Variants in DCDC2 observed in about 807,000 individuals in gnomAD.
DCDC2 encodes the protein doublecortin domain containing 2.
In DCDC2, 40 loss-of-function variants were observed where a neutral mutation model predicts 50.2. The observed-to-expected ratio is 0.80, with a 90% CI of 0.62 to 1.04. DCDC2 has a LOEUF of 1.04. Ranked by LOEUF, DCDC2 falls within the 50% of genes least tolerant of loss-of-function variation. DCDC2 has a pLI of 0.00. For synonymous variants in DCDC2, 234 were observed against 210.6 expected (o/e 1.11, Z -0.96); for missense variants, 570 against 581.9 (o/e 0.98, Z 0.21).
In DCDC2 at chr6:24,356,074, C is replaced by A. The variant is rs183286875; in HGVS notation, c.293+1384G>T. Among the ~76,000 whole-genome samples the A allele has an allele frequency of 2.5e-3, 377 of 151,980 alleles. 3 individuals are homozygous for A. Among genetic ancestry groups the A allele is most frequent in the African/African-American group, 8.7e-3 (362 of 41,440 alleles). Reference sequence around the variant, plus strand: ...CAGCAATTTCACTCTTAGGTATACACCAAAGAGAAATGAAAACTTGTACAC... The same window carrying A: ...CAGCAATTTCACTCTTAGGTATACAACAAAGAGAAATGAAAACTTGTACAC... On this transcript the variant is annotated intron_variant, in intron 1 of 9. Transcript: ENST00000378454.
chr6:24,197,707 A>C (rs1761477937), intron 8 of DCDC2, among the ~76,000 whole-genome samples: 1 of 152,236 alleles, frequency 6.6e-6, no homozygotes, highest in African/African-American at 2.4e-5. Context: ...CAGCAATTTC[A>C]CTGCTGCACT....
At chr6:24,291,148 G>C in intron 4 of DCDC2, 70 bp from the exon 5 acceptor site, 1 of 1,475,470 alleles carries the variant, frequency 6.8e-7, no homozygotes, top group Non-Finnish European at 9.3e-7. Flanking sequence ...AGATTACAAA[G>C]TATTCTGGAT....
chr6:24,382,925 T>A, the DCDC2 span, among the ~76,000 whole-genome samples: 1 of 152,162 alleles, frequency 6.6e-6, no homozygotes, highest in African/African-American at 2.4e-5. Flanking sequence ...TCATGGACAG[T>A]TACTGAGGTC....
At chr6:24,333,630 C>CT (rs1462072610) in intron 2 of DCDC2, among the ~76,000 whole-genome samples, 2 of 152,166 alleles carry the variant, frequency 1.3e-5, no homozygotes, top group African/African-American at 4.8e-5. Flanking sequence ...GATGTAAAGT[C>CT]TTGCAGGCTA....
At chr6:24,189,147 G>A (rs995413134) in intron 8 of DCDC2, among the ~76,000 whole-genome samples, 1 of 152,038 alleles carries the variant, frequency 6.6e-6, no homozygotes, top group African/African-American at 2.4e-5. Flanking sequence ...TGTGTATCTT[G>A]CTATTTATTT....
At chr6:24,231,853 T>C (rs1355488990) in intron 7 of DCDC2, among the ~76,000 whole-genome samples, 1 of 152,142 alleles carries the variant, frequency 6.6e-6, no homozygotes, top group Non-Finnish European at 1.5e-5. Flanking sequence ...CAAATCTAAA[T>C]AATTTTATCT....
chr6:24,220,926 G>GTGAGTGAGCGAGCT, intron 7 of DCDC2, among the ~76,000 whole-genome samples: 1 of 152,214 alleles, frequency 6.6e-6, no homozygotes, highest in Non-Finnish European at 1.5e-5. Context: ...GAGCGAGCGA[G>GTGAGTGAGCGAGCT]AGCACATGCA....
chr6:24,370,730 G>A, the DCDC2 span, among the ~76,000 whole-genome samples: 149,625 of 152,348 alleles, frequency 0.98, 73,516 homozygotes, highest in East Asian at 1. Context: ...AAATAAAAAC[G>A]TAGATTCGCA....
chr6:24,208,561 G>A (rs1224104457), intron 7 of DCDC2, among the ~76,000 whole-genome samples: 1 of 151,960 alleles, frequency 6.6e-6, no homozygotes, highest in Non-Finnish European at 1.5e-5. Context: ...GTAGAGACAA[G>A]CGTTTCTCCA....
At chr6:24,237,798 C>G (rs1359843689) in intron 7 of DCDC2, among the ~76,000 whole-genome samples, 3 of 152,048 alleles carry the variant, frequency 2.0e-5, no homozygotes, top group Non-Finnish European at 4.4e-5. Flanking sequence ...AAGCCATTAT[C>G]CTAAGCAAAC....
In DCDC2 at chr6:24,301,717, G is replaced by A; in HGVS notation, c.555C>T (p.His185=). The part of the protein sequence containing the change: ...EKITLRSGAV[H]RLYTLEGKLV... ...CTTACAAGATTGTTTTGACATACCT[G>A]TGAACAGCCCCGCTCCTCAGAGTGA... is the stretch of plus-strand genomic sequence containing the variant. The change falls in exon 4 of 10, where the codon CAC becomes CAT. Residue 185 remains histidine (H), a splice_region_variant and synonymous_variant. Coordinates refer to ENST00000378454, the MANE Select transcript of DCDC2 (RefSeq NM_016356.5). 1 of 1,613,814 alleles carries A rather than the reference G, an allele frequency of 6.2e-7. No homozygotes were observed. The highest frequency in any genetic ancestry group is 2.2e-5 in the East Asian group (1 of 44,870).
Position 24,172,725 on chromosome 6 carries a change from G to A in DCDC2, c.*2005C>T, listed in dbSNP as rs886520965. 1.3e-5 allele frequency: 2 copies of A among 152,070 alleles called. No individual in the cohort carries two copies. Among genetic ancestry groups the A allele is most frequent in the Admixed American group, 6.5e-5 (1 of 15,270 alleles). The allele number at this position is 152,070 out of a possible 1,614,324, so 9.4% of individuals were successfully genotyped here. A position where few individuals can be genotyped will look rare whatever the true frequency, so the allele number is the denominator to read the frequency against. On this transcript the variant is annotated 3_prime_UTR_variant, in exon 10 of 10. Transcript: ENST00000378454. ...AAGACCAACTGGGACCGGGTGCTGT[G>A]GCTCACACCTGTAATCCCAGCATTT...
intron 4 of DCDC2, among the ~76,000 whole-genome samples, chr6:24,298,887 CA>C (rs1759316050): frequency 6.6e-6 from 1 of 152,138 alleles, no homozygotes; most frequent in Non-Finnish European, 1.5e-5. Context: ...AAACTTAATA[CA>C]ACAATTCAAC....
intron 7 of DCDC2, among the ~76,000 whole-genome samples, chr6:24,234,922 G>A (rs540559689): frequency 4.8e-4 from 73 of 152,230 alleles, no homozygotes; most frequent in African/African-American, 1.6e-3. Context: ...ATTATGGGAG[G>A]ATAGAAATGA....
chr6:24,242,797 A>C (rs1326816940), intron 7 of DCDC2, among the ~76,000 whole-genome samples: 1 of 152,072 alleles, frequency 6.6e-6, no homozygotes, highest in Non-Finnish European at 1.5e-5. Flanking sequence ...CCCCATCTCT[A>C]CTAGAAATAC....
chr6:24,314,355 C>T (rs1335247478), intron 2 of DCDC2, among the ~76,000 whole-genome samples: 3 of 152,022 alleles, frequency 2.0e-5, no homozygotes, highest in Non-Finnish European at 4.4e-5. Flanking sequence ...TTCCTATAAT[C>T]CCAGCTACTC....
chr6:24,381,897 G>C, the DCDC2 span, among the ~76,000 whole-genome samples: 1 of 139,890 alleles, frequency 7.1e-6, no homozygotes, highest in Non-Finnish European at 1.5e-5. Flanking sequence ...AAAAAAGAAA[G>C]AAAGAAGGAG....
At chr6:24,359,352 T>TATATA, upstream of DCDC2, among the ~76,000 whole-genome samples, 3 of 62,132 alleles carry the variant, frequency 4.8e-5, no homozygotes, top group African/African-American at 2.5e-4. Flanking sequence ...TTATATATAT[T>TATATA]TTATGTATAT....
rs1184395028 is a variant in DCDC2 at position 24,173,880 on chromosome 6, A to C, written c.*850T>G. The C allele has an allele frequency of 1.3e-5, 2 of 152,272 alleles. No individual in the cohort carries two copies. Among genetic ancestry groups the C allele is most frequent in the Admixed American group, 6.5e-5 (1 of 15,288 alleles). The allele number at this position is 152,272 out of a possible 1,614,324, so 9.4% of individuals were successfully genotyped here. A position where few individuals can be genotyped will look rare whatever the true frequency, so the allele number is the denominator to read the frequency against. ...GTTGAAAACTATTTGAAAATAATTT[A>C]ATCTTTGGAATAGCCAATATCAGGT... is the stretch of plus-strand genomic sequence containing the variant. On this transcript the variant is annotated 3_prime_UTR_variant, in exon 10 of 10. Transcript: ENST00000378454.
Sources: gnomAD v4.1 joint callset for allele counts (sites outside exome capture counted in the v4.1 genomes callset) on GRCh38, gnomAD v4.1.1 for gene constraint, MANE v1.5 for transcripts, NCBI Gene and HGNC (gene_info 2026-07-23, HGNC 2026-07-21) for gene names.